Variants in OR3A2 observed in about 807,000 individuals in gnomAD.
OR3A2 encodes the protein olfactory receptor 3A2.
For missense variants in OR3A2, 318 were observed against 392.8 expected (o/e 0.81, Z 1.61); for synonymous variants, 126 against 159.3 (o/e 0.79, Z 1.57).
At chr17:3,317,684 G>A (rs2049089576) in intron 3 of OR3A2, among the ~76,000 whole-genome samples, 1 of 151,994 alleles carries the variant, frequency 6.6e-6, no homozygotes, top group Non-Finnish European at 1.5e-5. Context: ...ATGAATTGAG[G>A]TACAGAATTA....
intron 2 of OR3A2, among the ~76,000 whole-genome samples, chr17:3,346,842 C>G (rs1323091630): frequency 6.6e-6 from 1 of 152,106 alleles, no homozygotes; most frequent in Non-Finnish European, 1.5e-5. Flanking sequence ...ACCTCCAGTT[C>G]CATCCATGTT....
intron 3 of OR3A2, among the ~76,000 whole-genome samples, chr17:3,319,670 CCA>C (rs1458087859): frequency 2.6e-5 from 4 of 152,138 alleles, no homozygotes; most frequent in Admixed American, 2.6e-4. Flanking sequence ...ATGATGGTTT[CCA>C]GTTTCATCCA....
intron 1 of OR3A2, among the ~76,000 whole-genome samples, chr17:3,280,895 C>T (rs987355377): frequency 2.6e-5 from 4 of 152,080 alleles, no homozygotes; most frequent in Non-Finnish European, 2.9e-5. Flanking sequence ...ATTGAGTGCA[C>T]GGGTTGGTGG....
In OR3A2 at chr17:3,298,871, C is replaced by T. The variant is rs1222995665; in HGVS notation, c.-84-19718G>A. On this transcript the variant is annotated intron_variant, in intron 3 of 4. Transcript: ENST00000573491. ...ATGAGATCATCCAGTCATCTATCCA[C>T]TGCCGTGTCAGCCTCTGGGGATCTC... Among the ~76,000 whole-genome samples, 6 of 152,338 alleles carry T rather than the reference C, an allele frequency of 3.9e-5. No individual in the cohort carries two copies. The East Asian group carries it at 1.2e-3, about 29-fold the overall frequency.
intron 3 of OR3A2, among the ~76,000 whole-genome samples, chr17:3,305,853 A>T (rs1309367065): frequency 6.6e-6 from 1 of 152,226 alleles, no homozygotes; most frequent in Admixed American, 6.5e-5. Context: ...TTAGGTGGTA[A>T]TTATTTGGTT....
chr17:3,317,842 G>A (rs1279683800), intron 3 of OR3A2, among the ~76,000 whole-genome samples: 1 of 151,878 alleles, frequency 6.6e-6, no homozygotes, highest in Admixed American at 6.6e-5. Flanking sequence ...TACCCCTCCC[G>A]GCCAGTGCTA....
Position 3,278,932 on chromosome 17 carries a change from A to AAACT in OR3A2, c.-6-10_-6-9insAGTT. ...TCTGGCTCCATGAGTTTCTGTAAGG[A>AAACT]CATGTCCCAGCAGGGGAGGTATCAG... On this transcript the variant is annotated splice_polypyrimidine_tract_variant and intron_variant, in intron 1 of 1. Coordinates refer to ENST00000642052, the Ensembl canonical transcript of OR3A2. The AAACT allele has an allele frequency of 1.3e-6, 2 of 1,542,482 alleles. No homozygotes were observed. The highest frequency in any genetic ancestry group is 1.7e-6 in the Non-Finnish European group (2 of 1,149,510).
chr17:3,349,234 G>T (rs538838531), intron 2 of OR3A2, among the ~76,000 whole-genome samples: 5 of 152,192 alleles, frequency 3.3e-5, no homozygotes, highest in Non-Finnish European at 5.9e-5. Flanking sequence ...GACACAGACT[G>T]GCAAATTGGA....
At chr17:3,297,158 C>T (rs1291346810) in intron 3 of OR3A2, among the ~76,000 whole-genome samples, 2 of 152,134 alleles carry the variant, frequency 1.3e-5, no homozygotes, top group African/African-American at 2.4e-5. Flanking sequence ...TGGTGGCTGT[C>T]GGATTTGGGA....
chr17:3,360,253 CTTTTTG>C (rs1186509872), intron 2 of OR3A2, among the ~76,000 whole-genome samples: 1 of 110,098 alleles, frequency 9.1e-6, no homozygotes, highest in Non-Finnish European at 1.6e-5. Flanking sequence ...CCTTCGCCCA[CTTTTTG>C]ATGGGGTTGT....
intron 2 of OR3A2, among the ~76,000 whole-genome samples, chr17:3,380,184 A>G (rs2049721792): frequency 6.6e-6 from 1 of 152,178 alleles, no homozygotes; most frequent in Non-Finnish European, 1.5e-5. Flanking sequence ...TGGAGGGCAG[A>G]GCTCGTTAAT....
At chr17:3,334,974 T>G (rs2049266731) in intron 3 of OR3A2, among the ~76,000 whole-genome samples, 1 of 152,334 alleles carries the variant, frequency 6.6e-6, no homozygotes, top group South Asian at 2.1e-4. Context: ...TAGAAATCAC[T>G]GTGTCCATTT....
At chr17:3,279,040 A>C in intron 1 of OR3A2, 36 bp downstream of exon 4, 1 of 1,511,368 alleles carries the variant, frequency 6.6e-7, no homozygotes, top group Non-Finnish European at 8.9e-7. Context: ...GCCATCCCTC[A>C]CTCGTTGACC....
intron 3 of OR3A2, among the ~76,000 whole-genome samples, chr17:3,317,787 TAAC>T (rs1480252923): frequency 6.6e-6 from 1 of 152,100 alleles, no homozygotes; most frequent in Non-Finnish European, 1.5e-5. Flanking sequence ...GCCCTCTCTC[TAAC>T]AAAAGCCAGA....
intron 1 of OR3A2, among the ~76,000 whole-genome samples, chr17:3,280,355 T>C (rs530995538): frequency 1.3e-5 from 2 of 151,570 alleles, no homozygotes; most frequent in African/African-American, 4.8e-5. Context: ...CACTGCAAGC[T>C]CCGCCTCCTG....
chr17:3,369,325 G>C (rs1361668010), intron 2 of OR3A2, among the ~76,000 whole-genome samples: 1 of 152,128 alleles, frequency 6.6e-6, no homozygotes, highest in Non-Finnish European at 1.5e-5. Flanking sequence ...AGTTCTCAGG[G>C]GGAAGGCTTT....
chr17:3,279,187 G>T, intron 1 of OR3A2, 34 bp from the exon 4 acceptor site: 2 of 564,898 alleles, frequency 3.5e-6, no homozygotes, highest in South Asian at 2.8e-5. Flanking sequence ...TTAATAAAGT[G>T]TATTGCATTC....
intron 3 of OR3A2, among the ~76,000 whole-genome samples, chr17:3,317,571 A>T (rs1348463483): frequency 6.6e-6 from 1 of 152,172 alleles, no homozygotes; most frequent in Non-Finnish European, 1.5e-5. Flanking sequence ...TAGCTGTGTG[A>T]CACAGGGTAG....
chr17:3,371,530 C>CT (rs1229881748), intron 2 of OR3A2, among the ~76,000 whole-genome samples: 341 of 143,590 alleles, frequency 2.4e-3, no homozygotes, highest in African/African-American at 8.4e-3. Context: ...CTGACCCCAC[C>CT]ACCTCCCTCC....
Sources: gnomAD v4.1 joint callset for allele counts (sites outside exome capture counted in the v4.1 genomes callset) on GRCh38, gnomAD v4.1.1 for gene constraint, MANE v1.5 for transcripts, NCBI Gene and HGNC (gene_info 2026-07-23, HGNC 2026-07-21) for gene names.